The following PCLO variants were observed in gnomAD, a reference collection of about 807,000 sequenced individuals.
PCLO encodes protein piccolo.
PCLO carries 82 observed loss-of-function variants against 427.5 expected under a neutral mutation model. The ratio of observed to expected loss-of-function variants is 0.19; its 90% CI spans 0.16 to 0.23. PCLO has a LOEUF of 0.23. PCLO is among the 10% of genes least tolerant of loss of function. The probability of loss-of-function intolerance (pLI) is 1.00; values close to 1 mark genes in which losing one functional copy is unlikely to be tolerated. For missense variants in PCLO, 6,239 were observed against 6,115.9 expected, an observed-to-expected ratio of 1.02 and a Z score of -0.67; for synonymous variants, 2,357 against 2,155.4, an observed-to-expected ratio of 1.09 and a Z score of -2.59.
intron 22 of PCLO, among the ~76,000 whole-genome samples, chr7:82,788,269 A>G (rs1791025451): frequency 6.8e-6 from 1 of 147,878 alleles, no homozygotes; most frequent in Admixed American, 6.8e-5. Flanking sequence ...ATATTAGTAT[A>G]TAAATTTAAT....
At position 83,038,045 on chromosome 7, in the gene PCLO, A is replaced by ATATTTATT. The variant is rs1788861764; in HGVS notation, c.3301-71559_3301-71558insAATAAATA. 2.0e-4 allele frequency among the ~76,000 whole-genome samples: 7 copies of ATATTTATT among 35,188 alleles called. 1 individual carries two copies. Among genetic ancestry groups the ATATTTATT allele is most frequent in the African/African-American group, 6.7e-4 (3 of 4,474 alleles). 23.1% of individuals were successfully genotyped at this position (35,188 alleles called of 152,430 possible). ...TATATATATATTTATATATTTATAT[A>ATATTTATT]TATATCTTTATATATATATTTATAT... On this transcript the variant is annotated intron_variant, in intron 3 of 24. Transcript: ENST00000333891.
At chr7:82,996,359 C>T (rs1787613441) in intron 3 of PCLO, among the ~76,000 whole-genome samples, 1 of 151,738 alleles carries the variant, frequency 6.6e-6, no homozygotes, top group Admixed American at 6.6e-5. Flanking sequence ...TTATTGGGAG[C>T]TTGAAAGTCC....
intron 3 of PCLO, among the ~76,000 whole-genome samples, chr7:83,053,965 C>G (rs1259839756): frequency 6.6e-6 from 1 of 151,866 alleles, no homozygotes; most frequent in Non-Finnish European, 1.5e-5. Flanking sequence ...GAAACAAATT[C>G]TTGTAGACCA....
At chr7:82,848,478 T>C (rs1160841901) in intron 10 of PCLO, among the ~76,000 whole-genome samples, 1 of 151,586 alleles carries the variant, frequency 6.6e-6, no homozygotes, top group Non-Finnish European at 1.5e-5. Context: ...GCCTGGCTAA[T>C]TTTTGTATTT....
chr7:82,926,658 T>C (rs972727594), intron 6 of PCLO, among the ~76,000 whole-genome samples: 9 of 152,174 alleles, frequency 5.9e-5, no homozygotes, highest in African/African-American at 1.9e-4. Context: ...AAGTCATTGC[T>C]CTTGGGCTGA....
chr7:83,116,191 G>C (rs1238451712), intron 3 of PCLO, among the ~76,000 whole-genome samples: 1 of 152,004 alleles, frequency 6.6e-6, no homozygotes, highest in Non-Finnish European at 1.5e-5. Flanking sequence ...TTTGCCATCT[G>C]ATTAGGCAGA....
Position 82,915,941 on chromosome 7 carries a change from C to T in PCLO, c.12045G>A (p.Leu4015=). The change falls in exon 7 of 25, where the codon TTG becomes TTA. Residue 4015 remains leucine (L), a synonymous_variant. Coordinates refer to ENST00000333891, the MANE Select transcript of PCLO (RefSeq NM_033026.6). ...TGCTTGCCATGCTACTTCTTTCCTCCAAACCTATTCTCAAGTCTAAACTAT... is the reference window on the plus strand; with the variant it reads ...TGCTTGCCATGCTACTTCTTTCCTCTAAACCTATTCTCAAGTCTAAACTAT... ...KYNSLDLRIG[L]EERSSMASSP... is the part of the protein sequence containing the mutation. 1 of 1,613,128 alleles carries T rather than the reference C, an allele frequency of 6.2e-7. No homozygotes were observed. Among genetic ancestry groups the T allele is most frequent in the East Asian group, 2.2e-5 (1 of 44,850 alleles).
chr7:82,770,510 C>A (rs1429142556), intron 22 of PCLO, among the ~76,000 whole-genome samples: 1 of 151,490 alleles, frequency 6.6e-6, no homozygotes, highest in African/African-American at 2.4e-5. Flanking sequence ...CCAATAAGAT[C>A]TTGTATTCAA....
intron 22 of PCLO, among the ~76,000 whole-genome samples, chr7:82,773,992 C>A (rs1790697735): frequency 6.6e-6 from 1 of 152,154 alleles, no homozygotes; most frequent in Non-Finnish European, 1.5e-5. Context: ...CCCGGGATCC[C>A]CTCCAACATG....
chr7:82,810,097 G>A (rs1791537877), intron 20 of PCLO, among the ~76,000 whole-genome samples: 1 of 151,622 alleles, frequency 6.6e-6, no homozygotes. Context: ...ATGTTTGTAT[G>A]TAGGTAGTTG....
intron 16 of PCLO, among the ~76,000 whole-genome samples, chr7:82,831,570 A>G (rs926694711): frequency 5.3e-5 from 8 of 152,158 alleles, no homozygotes; most frequent in African/African-American, 1.9e-4. Context: ...TTGTGGAACA[A>G]TTACGCCTAC....
Position 82,822,623 on chromosome 7 carries a change from C to T in PCLO, c.14663G>A (p.Gly4888Asp). Reference sequence around the variant, plus strand: ...AGATGGTCCATGAGAACGGAGATGGCCTTCTGATGATGATTTTGAGCTACC... The same window carrying T: ...AGATGGTCCATGAGAACGGAGATGGTCTTCTGATGATGATTTTGAGCTACC... ...SPGSSKSSSE[G>D]HLRSHGPSRS... is the part of the protein sequence containing the mutation. Residue 4888 changes from glycine (G) to aspartate (D), a missense_variant, in exon 20 of 25, where the codon GGC (glycine) becomes GAC (aspartate). By Grantham distance (94) the Gly-to-Asp change is moderately conservative (BLOSUM62 -1). Coordinates refer to ENST00000333891, the MANE Select transcript of PCLO (RefSeq NM_033026.6). The T allele has an allele frequency of 6.2e-7, 1 of 1,613,662 alleles. No individual in the cohort carries two copies. The highest frequency in any genetic ancestry group is 8.5e-7 in the Non-Finnish European group (1 of 1,179,738).
intron 10 of PCLO, among the ~76,000 whole-genome samples, chr7:82,849,412 T>G (rs1312005625): frequency 6.6e-6 from 1 of 152,186 alleles, no homozygotes; most frequent in Non-Finnish European, 1.5e-5. Flanking sequence ...CCCACCCTAG[T>G]TGTTTCAGTG....
intron 3 of PCLO, among the ~76,000 whole-genome samples, chr7:83,063,819 T>G (rs1789598340): frequency 6.6e-6 from 1 of 152,134 alleles, no homozygotes; most frequent in South Asian, 2.1e-4. Flanking sequence ...TGTCCCTACC[T>G]TGAGGTTGTC....
intron 22 of PCLO, among the ~76,000 whole-genome samples, chr7:82,774,314 C>A (rs1790705652): frequency 6.6e-6 from 1 of 152,140 alleles, no homozygotes; most frequent in Admixed American, 6.5e-5. Context: ...ATTAGACAGT[C>A]CCATTTGACT....
intron 3 of PCLO, among the ~76,000 whole-genome samples, chr7:83,038,052 T>TAAAA: frequency 2.5e-5 from 1 of 40,438 alleles, no homozygotes; most frequent in African/African-American, 2.0e-4. Context: ...TATATATATC[T>TAAAA]TTATATATAT....
At chr7:83,025,122 G>A (rs1583922052) in intron 3 of PCLO, among the ~76,000 whole-genome samples, 1 of 152,188 alleles carries the variant, frequency 6.6e-6, no homozygotes, top group South Asian at 2.1e-4. Flanking sequence ...TTGACGAGCT[G>A]AGAGAAGAAG....
Position 82,949,615 on chromosome 7 carries a change from T to C in PCLO, c.10973A>G (p.His3658Arg). ...PDDISPQKVLHPDMAKVPPAS... is the reference protein window; with the variant it reads ...PDDISPQKVLRPDMAKVPPAS... Reference sequence around the variant, plus strand: ...TGGGGGAACTTTAGCCATATCTGGATGCAGTACTTTCTGTGGACTTATATC... The same window carrying C: ...TGGGGGAACTTTAGCCATATCTGGACGCAGTACTTTCTGTGGACTTATATC... The change falls in exon 6 of 25, where the codon CAT becomes CGT. Residue 3658 changes from histidine (H) to arginine (R), a missense_variant. Physicochemically the swap from His to Arg is conservative, Grantham distance 29. Coordinates refer to ENST00000333891, the MANE Select transcript of PCLO (RefSeq NM_033026.6). The C allele has an allele frequency of 6.2e-7, 1 of 1,613,910 alleles. No individual in the cohort carries two copies. Among genetic ancestry groups the C allele is most frequent in the Non-Finnish European group, 8.5e-7 (1 of 1,179,856 alleles).
At chr7:82,939,748 G>A (rs911794952) in intron 6 of PCLO, among the ~76,000 whole-genome samples, 1 of 147,942 alleles carries the variant, frequency 6.8e-6, no homozygotes, top group Non-Finnish European at 1.5e-5. Flanking sequence ...ATATAAATAT[G>A]TAAATATAAA....
Sources: gnomAD v4.1 joint callset for allele counts (sites outside exome capture counted in the v4.1 genomes callset) on GRCh38, gnomAD v4.1.1 for gene constraint, MANE v1.5 for transcripts, NCBI Gene and HGNC (gene_info 2026-07-23, HGNC 2026-07-21) for gene names.